The following ELP3 variants were observed in gnomAD, a reference collection of about 807,000 sequenced individuals.
The protein encoded by ELP3 is elongator complex protein 3.
Under a neutral mutation model 74.9 loss-of-function variants are expected in ELP3, and 56 were observed. The observed-to-expected ratio is 0.75, with a 90% confidence interval of 0.60 to 0.93. The LOEUF is 0.93. Ranked by LOEUF, ELP3 falls within the 40% of genes least tolerant of loss-of-function variation. ELP3 has a pLI of 0.00. For synonymous variants in ELP3, 222 were observed against 239.8 expected (o/e 0.93, Z 0.68); for missense variants, 573 against 686.5 (o/e 0.83, Z 1.85).
intron 10 of ELP3, among the ~76,000 whole-genome samples, chr8:28,142,993 TACTCTG>T (rs1813303490): frequency 6.6e-6 from 1 of 152,232 alleles, no homozygotes; most frequent in African/African-American, 2.4e-5. Flanking sequence ...ACTAAACTAT[TACTCTG>T]ACTGCCTGCG....
intron 8 of ELP3, among the ~76,000 whole-genome samples, chr8:28,130,128 G>T (rs1812734645): frequency 6.6e-6 from 1 of 152,310 alleles, no homozygotes; most frequent in South Asian, 2.1e-4. Context: ...AAGAAAAGAA[G>T]GAAGTAAGAG....
At chr8:28,164,338 T>C (rs1563282860) in intron 14 of ELP3, among the ~76,000 whole-genome samples, 1 of 152,326 alleles carries the variant, frequency 6.6e-6, no homozygotes, top group East Asian at 1.9e-4. Context: ...ATCTAAATAA[T>C]AGCTCAATTT....
chr8:28,101,283 T>C (rs1811472504), intron 3 of ELP3, among the ~76,000 whole-genome samples: 1 of 150,538 alleles, frequency 6.6e-6, no homozygotes, highest in South Asian at 2.1e-4. Flanking sequence ...AGCCGGGCGT[T>C]GTGGCGGGGG....
intron 5 of ELP3, among the ~76,000 whole-genome samples, chr8:28,110,080 A>G (rs1811853306): frequency 6.6e-6 from 1 of 152,220 alleles, no homozygotes; most frequent in South Asian, 2.1e-4. Flanking sequence ...TATGTCTGTG[A>G]GCAGAACACT....
chr8:28,136,186 T>G (rs1270329241), intron 9 of ELP3, among the ~76,000 whole-genome samples: 1 of 152,184 alleles, frequency 6.6e-6, no homozygotes, highest in Non-Finnish European at 1.5e-5. Flanking sequence ...GGTCTTGAAC[T>G]CCTGACCTCA....
chr8:28,093,143 G>T lies in ELP3; in HGVS notation c.-72G>T, dbSNP rs565983636. 1 of 1,592,014 alleles carries T rather than the reference G, an allele frequency of 6.3e-7. No homozygotes were observed. The highest frequency in any genetic ancestry group is 8.5e-7 in the Non-Finnish European group (1 of 1,170,572). Reference sequence around the variant, plus strand: ...CGACAGGCGGGATTGTTTTGTGGCTGTCAGCTTTCCCCGTGGTCTGAGTTT... The same window carrying T: ...CGACAGGCGGGATTGTTTTGTGGCTTTCAGCTTTCCCCGTGGTCTGAGTTT... On this transcript the variant is annotated 5_prime_UTR_variant, in exon 1 of 15. Coordinates refer to ENST00000256398, the MANE Select transcript of ELP3 (RefSeq NM_018091.6).
chr8:28,113,353 G>T lies in ELP3; in HGVS notation c.617+180G>T, dbSNP rs186285988. Among the ~76,000 whole-genome samples, 7 of 134,570 alleles carry T rather than the reference G, an allele frequency of 5.2e-5. No individual in the cohort carries two copies. The East Asian group carries it at 1.7e-3, about 33-fold the overall frequency. 88.3% of individuals were successfully genotyped at this position (134,570 alleles called of 152,430 possible). ...GCTTTCGCTGAAATAATCTTTTCCA[G>T]TGAAAATAATCCTTTCACTGAAATA... On this transcript the variant is annotated intron_variant, in intron 7 of 14. Transcript: ENST00000256398.
At position 28,190,341 on chromosome 8, in the gene ELP3, C is replaced by G. The variant is rs967905261; in HGVS notation, c.*616C>G. The G allele has an allele frequency of 3.9e-5, 6 of 152,260 alleles. No individual in the cohort carries two copies. The highest frequency in any genetic ancestry group is 7.2e-5 in the African/African-American group (3 of 41,424). The allele number at this position is 152,260 out of a possible 1,614,324, so 9.4% of individuals were successfully genotyped here. A position where few individuals can be genotyped will look rare whatever the true frequency, so the allele number is the denominator to read the frequency against. ...GAGCCTGGCAGCAGCCAGCCAGCAG[C>G]CTCTCCCAGGCGGGAGTCTACCATC... On this transcript the variant is annotated 3_prime_UTR_variant, in exon 15 of 15. Coordinates refer to ENST00000256398, the MANE Select transcript of ELP3 (RefSeq NM_018091.6).
At chr8:28,137,577 G>C in intron 9 of ELP3, 121 bp from the exon 10 acceptor site, 1 of 910,174 alleles carries the variant, frequency 1.1e-6, no homozygotes. Flanking sequence ...TACCTGGTCA[G>C]AAGCAAAGGC....
intron 12 of ELP3, among the ~76,000 whole-genome samples, chr8:28,159,169 A>G (rs552639614): frequency 2.0e-3 from 305 of 152,270 alleles, no homozygotes; most frequent in African/African-American, 6.6e-3. Context: ...TAAGGCATTC[A>G]TGGTATGTAA....
chr8:28,100,404 A>G (rs762332120), intron 3 of ELP3, among the ~76,000 whole-genome samples: 61 of 152,390 alleles, frequency 4.0e-4, no homozygotes, highest in African/African-American at 8.7e-4. Context: ...GGGAAGGCCC[A>G]GTAGAAAGCA....
chr8:28,164,482 G>T (rs1814229058), intron 14 of ELP3, among the ~76,000 whole-genome samples: 1 of 152,058 alleles, frequency 6.6e-6, no homozygotes, highest in Non-Finnish European at 1.5e-5. Flanking sequence ...TTTGGCAGTG[G>T]GTTTCTCTGG....
At chr8:28,109,708 TTAA>T (rs1313546222) in intron 5 of ELP3, among the ~76,000 whole-genome samples, 1 of 152,248 alleles carries the variant, frequency 6.6e-6, no homozygotes, top group Non-Finnish European at 1.5e-5. Context: ...TACAATATTT[TTAA>T]TAATTTTGTG....
In ELP3 at chr8:28,110,368, A is replaced by C. The variant is rs765842130; in HGVS notation, c.394-2A>C. Reference sequence around the variant, plus strand: ...GGGCATAACAATATTTTTCTCTTCTAGCCAACCTCCATGAGAGCTATCCGT... The same window carrying C: ...GGGCATAACAATATTTTTCTCTTCTCGCCAACCTCCATGAGAGCTATCCGT... On this transcript the variant is annotated splice_acceptor_variant, in intron 5 of 14. Coordinates refer to ENST00000256398, the MANE Select transcript of ELP3 (RefSeq NM_018091.6). LOFTEE classifies it high-confidence loss of function. 1.2e-6 allele frequency: 2 copies of C among 1,613,024 alleles called. No individual in the cohort carries two copies. Among genetic ancestry groups the C allele is most frequent in the South Asian group, 2.2e-5 (2 of 90,840 alleles).
chr8:28,116,357 A>G (rs1319339143), intron 7 of ELP3, among the ~76,000 whole-genome samples: 1 of 152,170 alleles, frequency 6.6e-6, no homozygotes, highest in Non-Finnish European at 1.5e-5. Context: ...TGTGTCCGTG[A>G]ATCTGGACCT....
chr8:28,132,513 A>G, intron 9 of ELP3, 109 bp downstream of exon 9: 1 of 1,373,560 alleles, frequency 7.3e-7, no homozygotes, highest in Non-Finnish European at 1.0e-6. Flanking sequence ...AAAGAAATGC[A>G]TCCTTATTAT....
At chr8:28,164,972 C>T (rs549004669) in intron 14 of ELP3, among the ~76,000 whole-genome samples, 3 of 152,102 alleles carry the variant, frequency 2.0e-5, no homozygotes, top group South Asian at 2.1e-4. Context: ...TCTTTATGAC[C>T]GTGCTGGTGT....
intron 14 of ELP3, among the ~76,000 whole-genome samples, chr8:28,170,122 C>T (rs892165737): frequency 3.3e-5 from 5 of 152,220 alleles, no homozygotes; most frequent in African/African-American, 1.2e-4. Flanking sequence ...ATTTTAGAGA[C>T]TGCCTACCAC....
intron 3 of ELP3, among the ~76,000 whole-genome samples, chr8:28,105,111 G>T (rs1249510598): frequency 1.3e-5 from 2 of 152,070 alleles, no homozygotes; most frequent in Admixed American, 1.3e-4. Context: ...GCCAGACATG[G>T]TGGCTCACGC....
Sources: gnomAD v4.1 joint callset for allele counts (sites outside exome capture counted in the v4.1 genomes callset) on GRCh38, gnomAD v4.1.1 for gene constraint, MANE v1.5 for transcripts, NCBI Gene and HGNC (gene_info 2026-07-23, HGNC 2026-07-21) for gene names.